Variants in STPG4 observed in about 807,000 individuals in gnomAD.
STPG4 encodes the protein sperm-tail PG-rich repeat containing 4, also known as protein STPG4.
In STPG4, 41 loss-of-function variants were observed where a neutral mutation model predicts 31.5. The ratio of observed to expected loss-of-function variants is 1.30; its 90% CI spans 1.01 to 1.69. The LOEUF is 1.69. Among genes scored for constraint, STPG4 ranks in the 40% most tolerant of loss-of-function variants. The pLI, the probability that STPG4 is intolerant of heterozygous loss-of-function variation, is 0.00. For missense variants in STPG4, 375 were observed against 293.4 expected, an observed-to-expected ratio of 1.28 and a Z score of -2.03; for synonymous variants, 141 against 103.0, an observed-to-expected ratio of 1.37 and a Z score of -2.24.
chr2:47,118,616 G>A (rs1026820835), intron 5 of STPG4, among the ~76,000 whole-genome samples: 1 of 152,152 alleles, frequency 6.6e-6, no homozygotes, highest in Admixed American at 6.5e-5. Context: ...TGCACTAAGT[G>A]GTAAGACAGC....
chr2:47,138,599 G>C (rs1013828849), intron 3 of STPG4, among the ~76,000 whole-genome samples: 1 of 151,850 alleles, frequency 6.6e-6, no homozygotes, highest in Non-Finnish European at 1.5e-5. Context: ...TGCCAGGCTG[G>C]AGTGTAGTGC....
chr2:47,099,767 C>T (rs182122638), intron 5 of STPG4, among the ~76,000 whole-genome samples: 17 of 152,356 alleles, frequency 1.1e-4, no homozygotes, highest in South Asian at 6.2e-4. Context: ...CTGCGCGTGG[C>T]GCTTGCGGGC....
chr2:47,145,930 G>T (rs574193322), intron 3 of STPG4, among the ~76,000 whole-genome samples: 5 of 152,242 alleles, frequency 3.3e-5, no homozygotes, highest in Non-Finnish European at 4.4e-5. Context: ...ATTTAAATGG[G>T]GCTCATTGAG....
In STPG4 at chr2:47,108,494, C is replaced by T. The variant is rs145593327; in HGVS notation, c.520-18120G>A. ...TCAGAAGGAACAAACTCCAGACGCG[C>T]CACCTTAAGAGCTGTAACACTCACT... is the stretch of plus-strand genomic sequence containing the variant. On this transcript the variant is annotated intron_variant, in intron 5 of 6. Coordinates refer to ENST00000445927, the MANE Select transcript of STPG4 (RefSeq NM_001163561.2). 5.8e-3 allele frequency: 911 copies of T among 157,582 alleles called. 18 individuals are homozygous for T. The highest frequency in any genetic ancestry group is 4.1e-3 in the Non-Finnish European group (296 of 72,210). 9.8% of individuals were successfully genotyped at this position (157,582 alleles called of 1,614,324 possible).
intron 1 of STPG4, among the ~76,000 whole-genome samples, chr2:47,153,533 T>A (rs116327248): frequency 0.14 from 21,049 of 152,204 alleles, 1,935 homozygotes; most frequent in African/African-American, 0.25. Context: ...TGGGTGGATC[T>A]CTTGAGGCCA....
intron 3 of STPG4, among the ~76,000 whole-genome samples, chr2:47,140,983 T>G (rs1415377945): frequency 6.6e-6 from 1 of 151,816 alleles, no homozygotes; most frequent in Non-Finnish European, 1.5e-5. Flanking sequence ...ACCTTCCAGA[T>G]TCAAGCGACT....
At chr2:47,117,085 C>T (rs926799394) in intron 5 of STPG4, among the ~76,000 whole-genome samples, 2 of 152,210 alleles carry the variant, frequency 1.3e-5, no homozygotes, top group South Asian at 2.1e-4. Flanking sequence ...ACCAAGCTTT[C>T]TCTTCACCCA....
intron 1 of STPG4, among the ~76,000 whole-genome samples, chr2:47,154,327 G>T (rs745428549): frequency 1.3e-5 from 2 of 152,114 alleles, no homozygotes; most frequent in Non-Finnish European, 2.9e-5. Flanking sequence ...CACTTTTATA[G>T]TCACAGAAAT....
intron 3 of STPG4, among the ~76,000 whole-genome samples, chr2:47,147,588 A>G (rs760500294): frequency 3.9e-5 from 6 of 152,182 alleles, no homozygotes; most frequent in Non-Finnish European, 8.8e-5. Context: ...GAGGTAGCAG[A>G]AAGTTCAAGA....
At chr2:47,118,297 T>C (rs745386883) in intron 5 of STPG4, among the ~76,000 whole-genome samples, 37 of 152,270 alleles carry the variant, frequency 2.4e-4, no homozygotes, top group Non-Finnish European at 5.1e-4. Context: ...GAACCGCACA[T>C]GCAAGGGATC....
At chr2:47,130,669 C>T (rs1364114222) in intron 3 of STPG4, among the ~76,000 whole-genome samples, 3 of 152,042 alleles carry the variant, frequency 2.0e-5, no homozygotes, top group African/African-American at 7.2e-5. Context: ...TGCACACCAC[C>T]ACGCCCAGCT....
chr2:47,125,238 T>C (rs1031462120), intron 5 of STPG4, among the ~76,000 whole-genome samples: 4 of 152,080 alleles, frequency 2.6e-5, no homozygotes, highest in Non-Finnish European at 4.4e-5. Flanking sequence ...CTGGGCAACA[T>C]GGCAAGAGCC....
At chr2:47,089,654 TA>T (rs35936692) in intron 6 of STPG4, among the ~76,000 whole-genome samples, 147 of 148,278 alleles carry the variant, frequency 9.9e-4, no homozygotes, top group African/African-American at 1.9e-3. Context: ...CTTTTGACAT[TA>T]AAAAAAAAAA....
chr2:47,135,341 T>C (rs1159796074), intron 3 of STPG4, among the ~76,000 whole-genome samples: 1 of 152,182 alleles, frequency 6.6e-6, no homozygotes, highest in African/African-American at 2.4e-5. Context: ...CAACTTTGAG[T>C]TCATTTTGTG....
In STPG4 at chr2:47,112,785, T is replaced by G. The variant is rs372460304; in HGVS notation, c.519+17156A>C. 6.6e-5 allele frequency among the ~76,000 whole-genome samples: 10 copies of G among 152,078 alleles called. No individual in the cohort carries two copies. In the East Asian group the frequency reaches 1.2e-3, roughly 18 times the overall value. On this transcript the variant is annotated intron_variant, in intron 5 of 6. Coordinates refer to ENST00000445927, the MANE Select transcript of STPG4 (RefSeq NM_001163561.2). Reference sequence around the variant, plus strand: ...TTCAGAAGAATTAGAGAATTAAAACTTTTTTGAAAATCAAAAGTACCAGCC... The same window carrying G: ...TTCAGAAGAATTAGAGAATTAAAACGTTTTTGAAAATCAAAAGTACCAGCC...
intron 5 of STPG4, among the ~76,000 whole-genome samples, chr2:47,096,139 G>C (rs1422264643): frequency 6.6e-6 from 1 of 152,200 alleles, no homozygotes; most frequent in Non-Finnish European, 1.5e-5. Flanking sequence ...GACCAAGTAG[G>C]CGTGGATTTC....
intron 5 of STPG4, among the ~76,000 whole-genome samples, chr2:47,098,233 G>T (rs1340392728): frequency 6.6e-6 from 1 of 152,206 alleles, no homozygotes; most frequent in African/African-American, 2.4e-5. Flanking sequence ...CTTCACTGCT[G>T]CGCACTGACA....
intron 5 of STPG4, among the ~76,000 whole-genome samples, chr2:47,112,900 G>A (rs1686070299): frequency 6.6e-6 from 1 of 151,744 alleles, no homozygotes; most frequent in African/African-American, 2.4e-5. Context: ...GCTGAGGTGG[G>A]AGGATTGCTT....
At chr2:47,147,688 GC>G (rs1433666900) in intron 3 of STPG4, among the ~76,000 whole-genome samples, 3 of 152,086 alleles carry the variant, frequency 2.0e-5, no homozygotes, top group East Asian at 3.9e-4. Flanking sequence ...AGGGAAGGGG[GC>G]TAATATCAAG....
Sources: allele counts gnomAD v4.1 joint callset (sites outside exome capture counted in the v4.1 genomes callset), GRCh38; gene constraint gnomAD v4.1.1; transcripts MANE v1.5; gene names NCBI Gene and HGNC (gene_info 2026-07-23, HGNC 2026-07-21).